The following GPR137 variants were observed in gnomAD, a reference collection of about 807,000 sequenced individuals.
GPR137 encodes G protein-coupled receptor 137.
A neutral mutation model predicts 38.9 loss-of-function variants in GPR137; 20 were observed. That is an observed-to-expected ratio of 0.51 (90% CI 0.36 to 0.75). The LOEUF is 0.75. GPR137 is among the 30% of genes least tolerant of loss of function. The pLI, the probability that GPR137 is intolerant of heterozygous loss-of-function variation, is 0.00. For missense variants in GPR137, 456 were observed against 526.4 expected (o/e 0.87, Z 1.31); for synonymous variants, 226 against 235.8 (o/e 0.96, Z 0.38).
exon 1 of GPR137, chr11:64,270,587 G>GCT (rs1245503333): frequency 5.8e-6 from 4 of 694,436 alleles, no homozygotes; most frequent in Non-Finnish European, 1.0e-5. Flanking sequence ...GGCCCTAAAT[G>GCT]GAAAGGCCAG....
Position 64,285,946 on chromosome 11 carries a change from C to T in GPR137, c.-579C>T, listed in dbSNP as rs1565356472. On this transcript the variant is annotated 5_prime_UTR_variant, in exon 1 of 7. Coordinates refer to ENST00000438980, the MANE Select transcript of GPR137 (RefSeq NM_001170880.2). ...GGACCTGGCGTCCGCCTCCTCCCTC[C>T]CCTTGAGGCTGGAGCGTGGACGCGG... 1 of 966,848 alleles carries T rather than the reference C, an allele frequency of 1.0e-6. No homozygotes were observed. Among genetic ancestry groups the T allele is most frequent in the Non-Finnish European group, 1.2e-6 (1 of 812,976 alleles). The allele number at this position is 966,848 out of a possible 1,614,324, so 59.9% of individuals were successfully genotyped here.
upstream of GPR137, among the ~76,000 whole-genome samples, chr11:64,273,445 C>T (rs2032790819): frequency 3.3e-5 from 5 of 152,168 alleles, 1 homozygote; most frequent in Admixed American, 3.3e-4. Context: ...GGTTATTATT[C>T]AGAGGCCCGC....
chr11:64,271,723 G>A (rs2032629365), upstream of GPR137: 1 of 1,459,996 alleles, frequency 6.8e-7, no homozygotes, highest in South Asian at 1.4e-5. Context: ...AAGGGGCTGG[G>A]CTCCTCCCCC....
At chr11:64,274,965 T>C (rs2032941828), upstream of GPR137, among the ~76,000 whole-genome samples, 3 of 121,352 alleles carry the variant, frequency 2.5e-5, no homozygotes, top group Admixed American at 2.1e-4. Flanking sequence ...AGTCTGGCAG[T>C]CTGGGAGACA....
chr11:64,272,363 T>C (rs780885969), upstream of GPR137, among the ~76,000 whole-genome samples: 5 of 151,586 alleles, frequency 3.3e-5, no homozygotes, highest in Admixed American at 6.6e-5. Context: ...AAGACCTTCA[T>C]GGGGCCTCCT....
At chr11:64,285,759 G>C, upstream of GPR137, 1 of 985,388 alleles carries the variant, frequency 1.0e-6, no homozygotes, top group Non-Finnish European at 1.2e-6. Context: ...TTTCACGCCG[G>C]GTGCGGCGCT....
chr11:64,287,038 G>A (rs984174208), intron 2 of GPR137, 24 bp downstream of exon 2: 17 of 1,610,230 alleles, frequency 1.1e-5, no homozygotes, highest in Non-Finnish European at 1.4e-5. Flanking sequence ...ACACTGGTGG[G>A]CTCAGCCTCC....
At chr11:64,274,992 CAAAAAAA>C (rs34418386), upstream of GPR137, among the ~76,000 whole-genome samples, 2 of 54,396 alleles carry the variant, frequency 3.7e-5, no homozygotes, top group African/African-American at 9.2e-5. Flanking sequence ...GACTTTGTCT[CAAAAAAA>C]AAAAAAAAAA....
chr11:64,286,996 C>G lies in GPR137; in HGVS notation c.389C>G (p.Pro130Arg). 6.2e-7 allele frequency: 1 copy of G among 1,613,836 alleles called. No homozygotes were observed. Among genetic ancestry groups the G allele is most frequent in the Non-Finnish European group, 8.5e-7 (1 of 1,179,984 alleles). ...TTCAAGGCCAAGGTGAAGCGTCGGC[C>G]GGAGATGAGCCGAGGCTTGTAAGTA... ...VVFKAKVKRR[P>R]EMSRGLLAVR... The change falls in exon 2 of 7, where the codon CCG (proline) becomes CGG (arginine). Residue 130 changes from proline (P) to arginine (R), a missense_variant. Coordinates refer to ENST00000438980, the MANE Select transcript of GPR137 (RefSeq NM_001170880.2).
At chr11:64,287,573 T>G (rs2034241042) in intron 2 of GPR137, 148 bp from the exon 3 acceptor site, 31 of 1,438,188 alleles carry the variant, frequency 2.2e-5, no homozygotes, top group Non-Finnish European at 2.7e-5. Context: ...TTTTTGGGCC[T>G]CAGTTTCTCC....
intron 6 of GPR137, 27 bp from the exon 7 acceptor site, chr11:64,289,010 G>A: frequency 6.6e-7 from 1 of 1,506,300 alleles, no homozygotes; most frequent in Non-Finnish European, 8.9e-7. Context: ...TCACTGTCCT[G>A]AGACTGACCC....
chr11:64,275,492 T>C (rs1055310417), upstream of GPR137, among the ~76,000 whole-genome samples: 48 of 152,202 alleles, frequency 3.2e-4, no homozygotes, highest in African/African-American at 1.1e-3. Flanking sequence ...AGGATCGCCA[T>C]GACAACAAAT....
chr11:64,277,446 T>C (rs79888913), intron 2 of GPR137, among the ~76,000 whole-genome samples: 137 of 152,314 alleles, frequency 9.0e-4, no homozygotes, highest in African/African-American at 3.2e-3. Flanking sequence ...CTTTTTGTTT[T>C]TAAAAAACAG....
upstream of GPR137, among the ~76,000 whole-genome samples, chr11:64,273,879 A>G (rs1049436640): frequency 6.6e-6 from 1 of 151,006 alleles, no homozygotes; most frequent in South Asian, 2.1e-4. Flanking sequence ...AAAAAAAAAA[A>G]AGAGAGGCAG....
upstream of GPR137, chr11:64,271,550 G>A: frequency 7.3e-7 from 1 of 1,363,256 alleles, no homozygotes. Context: ...GACAAGGCAG[G>A]GACAGACCGG....
At chr11:64,271,622 G>A (rs1280436872), upstream of GPR137, 3 of 1,494,412 alleles carry the variant, frequency 2.0e-6, no homozygotes, top group Non-Finnish European at 2.7e-6. Context: ...CCTTAAAGGA[G>A]TCCACAAACT....
chr11:64,288,214 G>T lies in GPR137; in HGVS notation c.783G>T (p.Gln261His). 6.2e-7 allele frequency: 1 copy of T among 1,612,348 alleles called. No homozygotes were observed. Among genetic ancestry groups the T allele is most frequent in the Non-Finnish European group, 8.5e-7 (1 of 1,179,352 alleles). Residue 261 changes from glutamine to histidine, a missense_variant and splice_region_variant, in exon 4 of 7, where the codon CAG (glutamine) becomes CAT (histidine). Coordinates refer to ENST00000438980, the MANE Select transcript of GPR137 (RefSeq NM_001170880.2). The surrounding 1 kb of genome is among the most constrained non-coding windows in gnomAD (Gnocchi z 5.5). ...ACGACTGGTACAATGTGTCTGACCA[G>T]GTGGGCATACGCATGTCTGCCACCT... ...FDYDWYNVSD[Q>H]ADLVNDLGNK...
chr11:64,276,915 C>T (rs1467395021), intron 2 of GPR137: 15 of 761,858 alleles, frequency 2.0e-5, no homozygotes, highest in African/African-American at 3.4e-5. Flanking sequence ...TCTAGCTTTA[C>T]ATTCTCTGCG....
rs2034182844 is a variant in GPR137 at position 64,287,139 on chromosome 11, T to G, written c.407+125T>G. 29 of 1,483,864 alleles carry G rather than the reference T, an allele frequency of 2.0e-5. No individual in the cohort carries two copies. The South Asian group carries it at 3.7e-4, about 19-fold the overall frequency. 91.9% of individuals were successfully genotyped at this position (1,483,864 alleles called of 1,614,324 possible). A position where few individuals can be genotyped will look rare whatever the true frequency, so the allele number is the denominator to read the frequency against. ...ACCCAGGGAATGTCTGTGGAAGATC[T>G]TGGAAAAGTTAAAGCACCTGGCGCA... On this transcript the variant is annotated intron_variant, in intron 2 of 6. Transcript: ENST00000438980.
Sources: gnomAD v4.1 joint callset for allele counts (sites outside exome capture counted in the v4.1 genomes callset) on GRCh38, gnomAD v4.1.1 for gene constraint, Gnocchi (gnomAD v3.1) non-coding constraint, MANE v1.5 for transcripts, NCBI Gene and HGNC (gene_info 2026-07-23, HGNC 2026-07-21) for gene names.